Variants in SLC14A1 observed in about 807,000 individuals in gnomAD.
SLC14A1 encodes solute carrier family 14 member 1 (Kidd blood group).
Under a neutral mutation model 39.6 loss-of-function variants are expected in SLC14A1, and 36 were observed. That is an observed-to-expected ratio of 0.91 (90% CI 0.70 to 1.20). The LOEUF (loss-of-function observed/expected upper bound fraction) is 1.20, where lower values mean the gene tolerates loss of function less well. SLC14A1 is among the 50% of genes most tolerant of loss of function. SLC14A1 has a pLI of 0.00. For synonymous variants in SLC14A1, 164 were observed against 173.6 expected (o/e 0.94, Z 0.43); for missense variants, 469 against 478.7 (o/e 0.98, Z 0.19).
intron 2 of SLC14A1, chr18:45,726,907 C>A (rs1001001363): frequency 3.0e-5 from 6 of 201,852 alleles, no homozygotes; most frequent in Non-Finnish European, 6.2e-5. Context: ...CATGAACCCC[C>A]TCCTCCCCCT....
chr18:45,735,159 T>C (rs1345515313), intron 5 of SLC14A1, among the ~76,000 whole-genome samples: 1 of 152,238 alleles, frequency 6.6e-6, no homozygotes, highest in African/African-American at 2.4e-5. Context: ...GCGCCTGGGC[T>C]TTGGGAGTTT....
chr18:45,739,540 C>CA lies in SLC14A1; in HGVS notation c.825dup (p.Ala276SerfsTer4). The CA allele has an allele frequency of 6.2e-7, 1 of 1,614,194 alleles. No individual in the cohort carries two copies. Among genetic ancestry groups the CA allele is most frequent in the South Asian group, 1.1e-5 (1 of 91,082 alleles). On this transcript the variant is annotated frameshift_variant, in exon 8 of 10. Coordinates refer to ENST00000321925, the MANE Select transcript of SLC14A1 (RefSeq NM_015865.7). LOFTEE classifies it high-confidence loss of function. ...CCTGTCTTAACAGGACTCAGTCTTT[C>CA]AGCCCCATTTGAGGACATCTACTTT...
intron 7 of SLC14A1, 41 bp from the exon 8 acceptor site, chr18:45,739,487 C>T (rs1568040775): frequency 6.2e-7 from 1 of 1,613,764 alleles, no homozygotes; most frequent in Non-Finnish European, 8.5e-7. Context: ...CCAGAACATC[C>T]TGCCTTTAGT....
At chr18:45,739,095 T>G (rs473429) in intron 6 of SLC14A1, 68 bp from the exon 7 acceptor site, 3 of 1,520,210 alleles carry the variant, frequency 2.0e-6, no homozygotes, top group African/African-American at 1.4e-5. Flanking sequence ...TGTAGGAGTT[T>G]GTGGGTGTCC....
chr18:45,750,441 C>A lies in SLC14A1; in HGVS notation c.*490C>A, dbSNP rs913826695. 2.8e-6 allele frequency: 3 copies of A among 1,067,282 alleles called. No individual in the cohort carries two copies. The Admixed American group carries it at 1.5e-4, about 53-fold the overall frequency. The allele number at this position is 1,067,282 out of a possible 1,614,324, so 66.1% of individuals were successfully genotyped here. A position where few individuals can be genotyped will look rare whatever the true frequency, so the allele number is the denominator to read the frequency against. On this transcript the variant is annotated 3_prime_UTR_variant, in exon 10 of 10. Transcript: ENST00000321925. ...AATCAATGCAAGTTACACATTATAG[C>A]CAGAATCTGTATCACAGAGGTGCAA...
At chr18:45,726,987 T>C (rs1027083401) in intron 2 of SLC14A1, 6 of 357,046 alleles carry the variant, frequency 1.7e-5, no homozygotes, top group Middle Eastern at 9.1e-4. Flanking sequence ...TTGGTCCCTG[T>C]GTAGGATGGC....
chr18:45,727,099 C>T, intron 2 of SLC14A1: 1 of 618,408 alleles, frequency 1.6e-6, no homozygotes, highest in South Asian at 2.1e-5. Context: ...AGGCAAAGTC[C>T]TCCTTCTTCA....
intron 5 of SLC14A1, 34 bp downstream of exon 5, chr18:45,734,436 G>GAA (rs35812340): frequency 0.037 from 42,692 of 1,165,856 alleles, 1 homozygote; most frequent in Non-Finnish European, 0.044. Context: ...ATGCCTTTTT[G>GAA]AAAAAAAAAA....
chr18:45,727,527 A>G, intron 2 of SLC14A1: 1 of 1,292,788 alleles, frequency 7.7e-7, no homozygotes, highest in Non-Finnish European at 1.0e-6. Context: ...GCTGTGAGCT[A>G]AGCCAAAGGC....
chr18:45,740,385 CCCT>C (rs943289818), intron 8 of SLC14A1, among the ~76,000 whole-genome samples: 7 of 152,230 alleles, frequency 4.6e-5, no homozygotes, highest in Non-Finnish European at 1.0e-4. Context: ...TCGCTGGGCC[CCCT>C]CCTCAGTCTG....
At chr18:45,740,525 A>G (rs2047339615) in intron 8 of SLC14A1, among the ~76,000 whole-genome samples, 1 of 143,344 alleles carries the variant, frequency 7.0e-6, no homozygotes, top group Non-Finnish European at 1.5e-5. Context: ...CATCTCAAAA[A>G]AAAAAAAAAA....
At chr18:45,739,773 A>G (rs1321596860) in intron 8 of SLC14A1, 111 bp downstream of exon 8, 1 of 1,429,050 alleles carries the variant, frequency 7.0e-7, no homozygotes, top group Admixed American at 1.7e-5. Flanking sequence ...TTCTGGCTTG[A>G]GCCCACTTGC....
intron 7 of SLC14A1, 60 bp from the exon 8 acceptor site, chr18:45,739,468 A>C (rs1048104177): frequency 1.2e-6 from 2 of 1,611,904 alleles, no homozygotes; most frequent in African/African-American, 2.7e-5. Flanking sequence ...TCCCACCCTC[A>C]GTTTCCTTCC....
intron 5 of SLC14A1, among the ~76,000 whole-genome samples, chr18:45,734,759 G>A (rs1038338862): frequency 1.3e-5 from 2 of 152,088 alleles, no homozygotes; most frequent in African/African-American, 4.8e-5. Flanking sequence ...GGAGGAGGAG[G>A]AGAAGGATGG....
At chr18:45,738,168 A>G (rs1466771994) in intron 6 of SLC14A1, among the ~76,000 whole-genome samples, 2 of 152,198 alleles carry the variant, frequency 1.3e-5, no homozygotes, top group African/African-American at 4.8e-5. Flanking sequence ...TCAGCCTAAT[A>G]TAAGAGGGGA....
rs1229722040 is a variant in SLC14A1 at position 45,752,013 on chromosome 18, C to G, written c.*2062C>G. On this transcript the variant is annotated 3_prime_UTR_variant, in exon 10 of 10. Coordinates refer to ENST00000321925, the MANE Select transcript of SLC14A1 (RefSeq NM_015865.7). Reference sequence around the variant, plus strand: ...TACAAATATTTTAGGGAGAAGCTCACTTCTTCCTTTTCTCAGGAAACCAAG... The same window carrying G: ...TACAAATATTTTAGGGAGAAGCTCAGTTCTTCCTTTTCTCAGGAAACCAAG... 3 of 985,224 alleles carry G rather than the reference C, an allele frequency of 3.0e-6. No homozygotes were observed. Among genetic ancestry groups the G allele is most frequent in the Non-Finnish European group, 3.6e-6 (3 of 829,914 alleles). 61.0% of individuals were successfully genotyped at this position (985,224 alleles called of 1,614,324 possible).
In SLC14A1 at chr18:45,749,900, C is replaced by T. The variant is rs371595134; in HGVS notation, c.1119C>T (p.Asn373=). The T allele has an allele frequency of 1.1e-5, 17 of 1,614,186 alleles. No homozygotes were observed. In the East Asian group the frequency reaches 1.6e-4, roughly 15 times the overall value. ...PLSKVTYPEE[N]RIFYLQAKKR... ...GTAAAGTTACTTATCCTGAAGAAAA[C>T]CGCATCTTCTACCTGCAAGCCAAGA... Residue 373 remains asparagine (N), a synonymous_variant, in exon 10 of 10, where the codon AAC becomes AAT. Coordinates refer to ENST00000321925, the MANE Select transcript of SLC14A1 (RefSeq NM_015865.7).
intron 8 of SLC14A1, among the ~76,000 whole-genome samples, chr18:45,741,617 T>C (rs1195829506): frequency 6.6e-6 from 1 of 152,238 alleles, no homozygotes; most frequent in Non-Finnish European, 1.5e-5. Flanking sequence ...GATGTCATTT[T>C]GTCAAATTCT....
At position 45,742,077 on chromosome 18, in the gene SLC14A1, G is replaced by A. The variant is rs922171008; in HGVS notation, c.946+2415G>A. On this transcript the variant is annotated intron_variant, in intron 8 of 9. Coordinates refer to ENST00000321925, the MANE Select transcript of SLC14A1 (RefSeq NM_015865.7). ...AAGGGAGTGAGCCCAAGAGGACCATGCAATCTTTGTGGGAGAAGAAGAAGT... is the reference window on the plus strand; with the variant it reads ...AAGGGAGTGAGCCCAAGAGGACCATACAATCTTTGTGGGAGAAGAAGAAGT... Among the ~76,000 whole-genome samples, 3 of 152,118 alleles carry A rather than the reference G, an allele frequency of 2.0e-5. No homozygotes were observed. The South Asian group carries it at 6.2e-4, about 31-fold the overall frequency.
Sources: gnomAD v4.1 joint callset for allele counts (sites outside exome capture counted in the v4.1 genomes callset) on GRCh38, gnomAD v4.1.1 for gene constraint, MANE v1.5 for transcripts, NCBI Gene and HGNC (gene_info 2026-07-23, HGNC 2026-07-21) for gene names.